STYK1: variants seen among roughly 807,000 people sequenced by gnomAD.
STYK1 encodes the protein STY kinase 1, also known as tyrosine-protein kinase STYK1.
In STYK1, 46 loss-of-function variants were observed where a neutral mutation model predicts 48.1. That is an observed-to-expected ratio of 0.96 (90% confidence interval 0.75 to 1.22). STYK1 has a LOEUF of 1.22. Among genes scored for constraint, STYK1 ranks in the 50% most tolerant of loss-of-function variants. The probability of loss-of-function intolerance (pLI) is 0.00; values close to 1 mark genes in which losing one functional copy is unlikely to be tolerated. For synonymous variants in STYK1, 188 were observed against 189.0 expected (o/e 0.99, Z 0.04); for missense variants, 527 against 521.1 (o/e 1.01, Z -0.11).
In STYK1 at chr12:10,672,839, A is replaced by C. The variant is rs1201723064; in HGVS notation, c.-195+1127T>G. ...GTATATGATTTTCATTGAAGCAAAT[A>C]CTTCATGATGTCTCATTGAAAGACC... On this transcript the variant is annotated intron_variant, in intron 1 of 10. Transcript: ENST00000075503. The surrounding 1 kb of genome is among the most constrained non-coding windows in gnomAD (Gnocchi z 4.0). Among the ~76,000 whole-genome samples, 1 of 152,214 alleles carries C rather than the reference A, an allele frequency of 6.6e-6. No homozygotes were observed. Among genetic ancestry groups the C allele is most frequent in the African/African-American group, 2.4e-5 (1 of 41,450 alleles).
At chr12:10,644,404 T>C (rs1226569149) in intron 1 of STYK1, among the ~76,000 whole-genome samples, 3 of 152,246 alleles carry the variant, frequency 2.0e-5, no homozygotes, top group Non-Finnish European at 2.9e-5. Context: ...AGTTTCATAA[T>C]TTGGATAATT....
chr12:10,653,056 C>T (rs1268676604), intron 1 of STYK1, among the ~76,000 whole-genome samples: 1 of 151,980 alleles, frequency 6.6e-6, no homozygotes, highest in Admixed American at 6.6e-5. Flanking sequence ...TTTGGCAAGT[C>T]AATTAACATA....
chr12:10,622,791 GA>G, intron 8 of STYK1, 113 bp from the exon 9 acceptor site: 2 of 1,256,224 alleles, frequency 1.6e-6, no homozygotes, highest in South Asian at 2.6e-5. Context: ...CAATGAAGGA[GA>G]ATCAAGGATG....
chr12:10,627,393 T>G (rs1947370344), intron 7 of STYK1, among the ~76,000 whole-genome samples: 1 of 152,214 alleles, frequency 6.6e-6, no homozygotes, highest in Non-Finnish European at 1.5e-5. Flanking sequence ...TTCCTGTTCC[T>G]TGTATAAACC....
At chr12:10,620,933 T>C (rs1251106145) in intron 10 of STYK1, among the ~76,000 whole-genome samples, 2 of 151,956 alleles carry the variant, frequency 1.3e-5, no homozygotes, top group East Asian at 1.9e-4. Flanking sequence ...CTTTAACACA[T>C]AGAAATGTTT....
At chr12:10,622,715 TTC>T in intron 8 of STYK1, 37 bp from the exon 9 acceptor site, 1 of 1,613,162 alleles carries the variant, frequency 6.2e-7, no homozygotes, top group African/African-American at 1.3e-5. Context: ...TAATTTCTAT[TTC>T]TGTTTTTCTA....
At chr12:10,634,505 C>T (rs372528330) in intron 3 of STYK1, 62 bp downstream of exon 3, 72 of 1,535,744 alleles carry the variant, frequency 4.7e-5, no homozygotes, top group South Asian at 1.0e-4. Flanking sequence ...TAGAATCTAC[C>T]GAGACCTTAG....
intron 4 of STYK1, among the ~76,000 whole-genome samples, chr12:10,633,412 C>A (rs992595754): frequency 6.6e-6 from 1 of 152,132 alleles, no homozygotes; most frequent in Non-Finnish European, 1.5e-5. Flanking sequence ...TAAGGATTAG[C>A]CACTATAGAG....
rs147894582 is a variant in STYK1 at position 10,620,713 on chromosome 12, G to A, written c.1065-365C>T. On this transcript the variant is annotated intron_variant, in intron 10 of 10. Transcript: ENST00000075503. ...TGTCATTTTTACTCTGATATGAGAC[G>A]GAGCTTTTAATCATGTATACTGCTG... Among the ~76,000 whole-genome samples the A allele has an allele frequency of 1.1e-4, 16 of 152,230 alleles. No individual in the cohort carries two copies. In the East Asian group the frequency reaches 2.7e-3, roughly 26 times the overall value.
intron 1 of STYK1, among the ~76,000 whole-genome samples, chr12:10,643,732 G>T (rs1947569601): frequency 6.6e-6 from 1 of 152,230 alleles, no homozygotes; most frequent in Non-Finnish European, 1.5e-5. Flanking sequence ...CAGCCACAAG[G>T]CAAGAGAGGA....
At chr12:10,666,828 G>A (rs923050147) in intron 1 of STYK1, among the ~76,000 whole-genome samples, 7 of 152,116 alleles carry the variant, frequency 4.6e-5, no homozygotes, top group African/African-American at 1.7e-4. Flanking sequence ...AGTTTCTTGA[G>A]GAAACTTATA....
At chr12:10,653,595 T>C (rs1044025608) in intron 1 of STYK1, among the ~76,000 whole-genome samples, 3 of 152,244 alleles carry the variant, frequency 2.0e-5, no homozygotes, top group Non-Finnish European at 2.9e-5. Context: ...TAATACCTTA[T>C]ATCATTTCCT....
intron 1 of STYK1, among the ~76,000 whole-genome samples, chr12:10,645,439 C>T (rs994653539): frequency 6.6e-6 from 1 of 151,698 alleles, no homozygotes; most frequent in African/African-American, 2.4e-5. Context: ...CTGGTAATAC[C>T]CCAACATGCA....
intron 1 of STYK1, among the ~76,000 whole-genome samples, chr12:10,660,294 G>C (rs1283007678): frequency 6.6e-6 from 1 of 152,008 alleles, no homozygotes; most frequent in Admixed American, 6.6e-5. Flanking sequence ...GTTATGAATG[G>C]CCCTCTCCAT....
At chr12:10,629,697 G>A (rs749514483) in intron 5 of STYK1, 23 bp from the exon 6 acceptor site, 2 of 1,613,876 alleles carry the variant, frequency 1.2e-6, no homozygotes, top group Non-Finnish European at 1.7e-6. Flanking sequence ...AAAGATCCAG[G>A]CAGTGAGCAG....
chr12:10,629,343 A>C (rs1565560808), intron 6 of STYK1, 150 bp downstream of exon 6: 1 of 779,208 alleles, frequency 1.3e-6, no homozygotes, highest in Non-Finnish European at 2.0e-6. Context: ...CTATAATTAC[A>C]AAAAGTTCTA....
intron 1 of STYK1, among the ~76,000 whole-genome samples, chr12:10,655,946 G>GT (rs1266768133): frequency 6.6e-6 from 1 of 152,164 alleles, no homozygotes; most frequent in Non-Finnish European, 1.5e-5. Flanking sequence ...TGAGGAAAAA[G>GT]TTTTTTTCTT....
intron 1 of STYK1, among the ~76,000 whole-genome samples, chr12:10,663,203 C>T (rs557582847): frequency 1.3e-4 from 20 of 152,286 alleles, no homozygotes; most frequent in African/African-American, 4.8e-4. Flanking sequence ...CAGCCTCAAG[C>T]TCTGGACTCA....
At chr12:10,641,205 C>A (rs1409837987) in intron 1 of STYK1, among the ~76,000 whole-genome samples, 3 of 152,168 alleles carry the variant, frequency 2.0e-5, no homozygotes, top group African/African-American at 7.2e-5. Flanking sequence ...CACCCCCACT[C>A]AGCACAGGAT....
Sources: gnomAD v4.1 joint callset for allele counts (sites outside exome capture counted in the v4.1 genomes callset) on GRCh38, gnomAD v4.1.1 for gene constraint, Gnocchi (gnomAD v3.1) non-coding constraint, MANE v1.5 for transcripts, NCBI Gene and HGNC (gene_info 2026-07-23, HGNC 2026-07-21) for gene names.